Variants in VPS13A observed in about 807,000 individuals in gnomAD.
VPS13A encodes intermembrane lipid transfer protein VPS13A.
VPS13A carries 264 observed loss-of-function variants against 390.9 expected under a neutral mutation model. The observed-to-expected ratio is 0.68, with a 90% CI of 0.61 to 0.75. The LOEUF is 0.75. Among genes scored for constraint, VPS13A ranks in the 30% least tolerant of loss-of-function variants. The pLI is 0.00. For synonymous variants in VPS13A, 1,231 were observed against 1,227.1 expected (o/e 1.00, Z -0.07); for missense variants, 3,409 against 3,733.9 (o/e 0.91, Z 2.27).
intron 1 of VPS13A, among the ~76,000 whole-genome samples, chr9:77,187,683 G>T (rs984855544): frequency 1.3e-5 from 2 of 151,982 alleles, no homozygotes; most frequent in Non-Finnish European, 2.9e-5. Flanking sequence ...TTCCCATTTT[G>T]TGTGTTACCT....
rs777823793 is a variant in VPS13A, at chr9:77,317,641, T to C, written c.4899T>C (p.Thr1633=). 5 of 1,603,564 alleles carry C rather than the reference T, an allele frequency of 3.1e-6. No individual in the cohort carries two copies. Among genetic ancestry groups the C allele is most frequent in the Non-Finnish European group, 4.3e-6 (5 of 1,174,394 alleles). The change falls in exon 40 of 72, where the codon ACT becomes ACC. Residue 1633 remains threonine (T), a synonymous_variant. Transcript: ENST00000360280. ...LQPCDLFYQT[T]QKGTDPQVID... ...CCTGTGACTTGTTTTATCAAACTAC[T>C]CAGAAAGGTACAGATCCACAAGTGA... is the stretch of plus-strand genomic sequence containing the variant.
chr9:77,413,495 A>G (rs1347278789), intron 71 of VPS13A, among the ~76,000 whole-genome samples: 1 of 152,232 alleles, frequency 6.6e-6, no homozygotes, highest in South Asian at 2.1e-4. Flanking sequence ...TGGGGAAAGG[A>G]TTCCCTATTT....
chr9:77,380,739 A>G (rs1833382800), intron 67 of VPS13A, among the ~76,000 whole-genome samples: 1 of 152,252 alleles, frequency 6.6e-6, no homozygotes, highest in Admixed American at 6.5e-5. Flanking sequence ...TCCACAGACC[A>G]GACAGGAGGG....
Position 77,391,795 on chromosome 9 carries a change from T to C in VPS13A, c.9189+9708T>C, listed in dbSNP as rs188028425. 2.1e-3 allele frequency among the ~76,000 whole-genome samples: 323 copies of C among 152,304 alleles called. 3 individuals are homozygous for C. The highest frequency in any genetic ancestry group is 3.7e-3 in the Non-Finnish European group (255 of 68,016). The stretch of plus-strand genomic sequence containing the variant: ...AAAGAATAAAATATATGGATAGATA[T>C]AGATATATAAAATTGAATTTTTGCT... On this transcript the variant is annotated intron_variant, in intron 68 of 71. Coordinates refer to ENST00000360280, the MANE Select transcript of VPS13A (RefSeq NM_033305.3).
Position 77,340,231 on chromosome 9 carries a change from T to G in VPS13A, c.6828T>G (p.Thr2276=). 2 of 1,613,438 alleles carry G rather than the reference T, an allele frequency of 1.2e-6. No homozygotes were observed. The highest frequency in any genetic ancestry group is 1.7e-6 in the Non-Finnish European group (2 of 1,179,642). The part of the protein sequence containing the change: ...SELSNQFSID[T]VGSHGAVKCK... ...TGTCCAATCAGTTTTCAATTGATAC[T>G]GTTGGTAGTCATGGAGCTGTTAAAT... is the stretch of plus-strand genomic sequence containing the variant. The change falls in exon 49 of 72, where the codon ACT becomes ACG. Residue 2276 remains threonine, a synonymous_variant. Transcript: ENST00000360280.
At chr9:77,324,010 A>T (rs1381864723) in intron 45 of VPS13A, among the ~76,000 whole-genome samples, 1 of 151,304 alleles carries the variant, frequency 6.6e-6, no homozygotes, top group Non-Finnish European at 1.5e-5. Context: ...TTTCCAGAGG[A>T]TTTTAGGTCC....
intron 17 of VPS13A, 34 bp from the exon 18 acceptor site, chr9:77,237,968 G>A: frequency 1.3e-6 from 2 of 1,491,430 alleles, no homozygotes; most frequent in Non-Finnish European, 1.9e-6. Flanking sequence ...CAATTTTACT[G>A]ATCGCTGACT....
intron 13 of VPS13A, among the ~76,000 whole-genome samples, chr9:77,223,443 G>A (rs963670305): frequency 3.3e-5 from 5 of 152,120 alleles, no homozygotes; most frequent in Non-Finnish European, 7.4e-5. Flanking sequence ...GTGCCCAATG[G>A]TTAGCTGAGT....
intron 40 of VPS13A, among the ~76,000 whole-genome samples, chr9:77,317,942 ATTACT>A (rs1444539293): frequency 2.0e-4 from 31 of 151,850 alleles, no homozygotes; most frequent in African/African-American, 5.6e-4. Flanking sequence ...TATTATTGAA[ATTACT>A]TTATACTTCA....
rs571658150 is a variant in VPS13A at position 77,397,062 on chromosome 9, C to T, written c.9190-6174C>T. 2.0e-5 allele frequency among the ~76,000 whole-genome samples: 3 copies of T among 152,324 alleles called. No homozygotes were observed. In the South Asian group the frequency reaches 6.2e-4, roughly 32 times the overall value. On this transcript the variant is annotated intron_variant, in intron 68 of 71. Coordinates refer to ENST00000360280, the MANE Select transcript of VPS13A (RefSeq NM_033305.3). The stretch of plus-strand genomic sequence containing the variant: ...GGAGTGCAATGGTGTGATCTCAGCT[C>T]ACTGCAACCTCTGCCTCCTAGGTTC...
intron 68 of VPS13A, among the ~76,000 whole-genome samples, chr9:77,386,074 C>A (rs973940635): frequency 1.3e-5 from 2 of 151,984 alleles, no homozygotes; most frequent in Non-Finnish European, 2.9e-5. Context: ...ATGTAAACAT[C>A]AAAAAATTCA....
chr9:77,289,807 G>C (rs1047209005), intron 31 of VPS13A, among the ~76,000 whole-genome samples: 2 of 145,542 alleles, frequency 1.4e-5, no homozygotes, highest in Non-Finnish European at 3.0e-5. Flanking sequence ...TTGAGACAGA[G>C]TCTTGCTCTG....
chr9:77,400,285 T>A (rs2131642754), intron 68 of VPS13A, among the ~76,000 whole-genome samples: 1 of 149,204 alleles, frequency 6.7e-6, no homozygotes, highest in Non-Finnish European at 1.5e-5. Context: ...ATTTTTCTAC[T>A]GCTTTACTCA....
chr9:77,234,468 A>C (rs1824018451), intron 17 of VPS13A, among the ~76,000 whole-genome samples: 1 of 152,216 alleles, frequency 6.6e-6, no homozygotes, highest in Admixed American at 6.5e-5. Flanking sequence ...AGTCTCTTTT[A>C]GGCAGTATGC....
In VPS13A at chr9:77,238,066, C is replaced by T. The variant is rs147115148; in HGVS notation, c.1660C>T (p.Leu554Phe). 25 of 1,613,258 alleles carry T rather than the reference C, an allele frequency of 1.5e-5. No individual in the cohort carries two copies. In the African/African-American group the frequency reaches 3.3e-4, roughly 22 times the overall value. The change falls in exon 18 of 72, where the codon CTC becomes TTC. Residue 554 changes from leucine to phenylalanine, a missense_variant. Around this residue, in one of 5 missense-constraint regions of VPS13A, gnomAD observed 2,717 missense variants for 2,917.4 expected, o/e 0.93. Transcript: ENST00000360280. ...ACCAGATAATTCAGAAAAACCCCGC[C>T]TCCTGTCTTCATTGGATGATGCAAT... The part of the protein sequence containing the change: ...GLPDNSEKPR[L>F]LSSLDDAMSL...
chr9:77,334,420 T>A (rs913787117), intron 46 of VPS13A, among the ~76,000 whole-genome samples: 1 of 152,202 alleles, frequency 6.6e-6, no homozygotes, highest in Non-Finnish European at 1.5e-5. Context: ...TATCTTTCTT[T>A]CCTGTTTTCC....
chr9:77,259,114 T>TGTGAGCA (rs1285660181), intron 22 of VPS13A, among the ~76,000 whole-genome samples: 3 of 152,180 alleles, frequency 2.0e-5, no homozygotes, highest in African/African-American at 4.8e-5. Context: ...TTTATAATAT[T>TGTGAGCA]GTGAGCAGTA....
intron 68 of VPS13A, among the ~76,000 whole-genome samples, chr9:77,398,026 T>G (rs1834190275): frequency 6.6e-6 from 1 of 152,208 alleles, no homozygotes; most frequent in African/African-American, 2.4e-5. Flanking sequence ...CCCTACATGA[T>G]GATTCCCAAA....
At chr9:77,340,311 CT>C (rs1346145685) in intron 49 of VPS13A, 29 bp downstream of exon 49, 2 of 1,606,664 alleles carry the variant, frequency 1.2e-6, no homozygotes, top group African/African-American at 2.7e-5. Flanking sequence ...TATCAAGAAA[CT>C]TTTATTTTAA....
Sources: allele counts gnomAD v4.1 joint callset (sites outside exome capture counted in the v4.1 genomes callset), GRCh38; gene constraint gnomAD v4.1.1; regional missense constraint gnomAD v4.1.1; transcripts MANE v1.5; gene names NCBI Gene and HGNC (gene_info 2026-07-23, HGNC 2026-07-21).